Variants in PLCG2 observed in about 807,000 individuals in gnomAD.
PLCG2 encodes phospholipase C gamma 2, also known as 1-phosphatidylinositol 4,5-bisphosphate phosphodiesterase gamma-2.
In PLCG2, 69 loss-of-function variants were observed where a neutral mutation model predicts 175.6. The ratio of observed to expected loss-of-function variants is 0.39; its 90% CI spans 0.32 to 0.48. PLCG2 has a LOEUF of 0.48. PLCG2 is among the 20% of genes least tolerant of loss of function. The pLI is 0.91. For missense variants in PLCG2, 1,798 were observed against 1,650.9 expected (o/e 1.09, Z -1.54); for synonymous variants, 827 against 624.0 (o/e 1.33, Z -4.85).
At chr16:81,887,240 C>T (rs997609453) in intron 9 of PLCG2, among the ~76,000 whole-genome samples, 10 of 152,050 alleles carry the variant, frequency 6.6e-5, no homozygotes, top group African/African-American at 1.9e-4. Flanking sequence ...CTGCCTCAGC[C>T]TCCCGAGTAC....
chr16:81,846,288 C>G (rs1475660745), intron 2 of PLCG2, among the ~76,000 whole-genome samples: 2 of 152,150 alleles, frequency 1.3e-5, no homozygotes, highest in Non-Finnish European at 2.9e-5. Context: ...GTGATTCATG[C>G]TCCAGACATC....
At chr16:81,792,386 G>A (rs561217644) in intron 2 of PLCG2, among the ~76,000 whole-genome samples, 11 of 146,326 alleles carry the variant, frequency 7.5e-5, no homozygotes, top group African/African-American at 2.3e-4. Flanking sequence ...GGAGGCTGAG[G>A]CACAGAATTG....
chr16:81,798,493 G>A (rs116461035), intron 2 of PLCG2: 2,601 of 152,370 alleles, frequency 0.017, 19 homozygotes, highest in South Asian at 0.028. Flanking sequence ...AAGGAGCGTC[G>A]ACAGGGTGAA....
At chr16:81,770,451 G>A (rs1313094359) in intron 2 of PLCG2, among the ~76,000 whole-genome samples, 1 of 152,248 alleles carries the variant, frequency 6.6e-6, no homozygotes, top group Non-Finnish European at 1.5e-5. Context: ...GGTAGCACAT[G>A]CCTGTAATCC....
At chr16:81,867,759 G>C (rs1470382214) in intron 5 of PLCG2, among the ~76,000 whole-genome samples, 1 of 151,846 alleles carries the variant, frequency 6.6e-6, no homozygotes, top group African/African-American at 2.4e-5. Context: ...GTGCAGTGGC[G>C]TGATCTCGGC....
intron 7 of PLCG2, among the ~76,000 whole-genome samples, chr16:81,877,394 A>G (rs949442935): frequency 2.0e-5 from 3 of 152,110 alleles, no homozygotes; most frequent in East Asian, 1.9e-4. Context: ...GGCGGAACTT[A>G]CAGTGAGCCG....
intron 2 of PLCG2, among the ~76,000 whole-genome samples, chr16:81,758,348 C>A (rs1016767596): frequency 6.6e-6 from 1 of 152,142 alleles, no homozygotes; most frequent in African/African-American, 2.4e-5. Context: ...CTTTTTATTG[C>A]TGAGTAATAT....
intron 2 of PLCG2, among the ~76,000 whole-genome samples, chr16:81,809,015 CCTATT>C (rs1304300727): frequency 6.6e-6 from 1 of 152,116 alleles, no homozygotes; most frequent in African/African-American, 2.4e-5. Context: ...ATATAATACT[CCTATT>C]CTAGGGGTGA....
chr16:81,912,944 G>T (rs1166066407), intron 19 of PLCG2, among the ~76,000 whole-genome samples: 4 of 152,244 alleles, frequency 2.6e-5, no homozygotes, highest in Non-Finnish European at 2.9e-5. Flanking sequence ...AACTCACTTT[G>T]GCTTCCAGTA....
chr16:81,959,614 A>G lies in PLCG2; in HGVS notation c.*1616A>G, dbSNP rs1051817585. 9 of 193,848 alleles carry G rather than the reference A, an allele frequency of 4.6e-5. No individual in the cohort carries two copies. Among genetic ancestry groups the G allele is most frequent in the African/African-American group, 1.9e-4 (8 of 43,138 alleles). The allele number at this position is 193,848 out of a possible 1,614,324, so 12.0% of individuals were successfully genotyped here. On this transcript the variant is annotated 3_prime_UTR_variant, in exon 33 of 33. Transcript: ENST00000564138. Reference sequence around the variant, plus strand: ...CACTCCAGTTACTCCTCCAACTGGGAGCTGCTATTTTATTTGGCAGTCAGC... The same window carrying G: ...CACTCCAGTTACTCCTCCAACTGGGGGCTGCTATTTTATTTGGCAGTCAGC...
At chr16:81,751,802 A>G (rs1424108450) in intron 1 of PLCG2, among the ~76,000 whole-genome samples, 4 of 152,080 alleles carry the variant, frequency 2.6e-5, no homozygotes, top group Non-Finnish European at 5.9e-5. Context: ...TGGGTGGATC[A>G]CCTGAGGTCA....
intron 2 of PLCG2, among the ~76,000 whole-genome samples, chr16:81,847,538 T>C (rs955595471): frequency 2.0e-4 from 30 of 152,252 alleles, no homozygotes; most frequent in African/African-American, 7.0e-4. Flanking sequence ...AAAAAGATAC[T>C]TATCACTGCA....
At chr16:81,781,191 T>G (rs72834726) in intron 1 of PLCG2, among the ~76,000 whole-genome samples, 19,671 of 152,246 alleles carry the variant, frequency 0.13, 1,830 homozygotes, top group East Asian at 0.49. Context: ...ACCACTCTCC[T>G]GGATTTACCA....
intron 2 of PLCG2, among the ~76,000 whole-genome samples, chr16:81,832,490 A>G (rs1905301243): frequency 6.6e-6 from 1 of 152,158 alleles, no homozygotes; most frequent in Non-Finnish European, 1.5e-5. Flanking sequence ...CCTGGGTTCA[A>G]GCTATCTTCC....
At chr16:81,956,652 G>T in intron 31 of PLCG2, 43 bp from the exon 32 acceptor site, 2 of 1,557,808 alleles carry the variant, frequency 1.3e-6, no homozygotes, top group Non-Finnish European at 1.8e-6. Flanking sequence ...TGGTTTGGAA[G>T]GTGTAGTCAC....
chr16:81,907,032 G>A lies in PLCG2; in HGVS notation c.1468-653G>A, dbSNP rs1909400363. On this transcript the variant is annotated intron_variant, in intron 15 of 32. Transcript: ENST00000564138. ...CAGCCTGGTGAGAGAGACAGACTCT[G>A]TCTCAAAAAAAAAAAAAAAAAAACA... Among the ~76,000 whole-genome samples the A allele has an allele frequency of 3.5e-5, 3 of 85,648 alleles. No individual in the cohort carries two copies. In the East Asian group the frequency reaches 1.4e-3, roughly 39 times the overall value. The allele number at this position is 85,648 out of a possible 152,430, so 56.2% of individuals were successfully genotyped here.
chr16:81,767,239 G>C (rs924848002), intron 2 of PLCG2, among the ~76,000 whole-genome samples: 1 of 149,474 alleles, frequency 6.7e-6, no homozygotes, highest in African/African-American at 2.5e-5. Context: ...CTGCTTCCTG[G>C]GTTCAAGAGA....
chr16:81,760,093 A>T (rs1282016188), intron 2 of PLCG2, among the ~76,000 whole-genome samples: 3 of 152,180 alleles, frequency 2.0e-5, no homozygotes, highest in African/African-American at 7.2e-5. Flanking sequence ...GCCACTGCTC[A>T]TCTATCAGTT....
chr16:81,931,236 A>G, intron 24 of PLCG2: 1 of 303,052 alleles, frequency 3.3e-6, no homozygotes, highest in Non-Finnish European at 6.1e-6. Context: ...TACATCTGCA[A>G]CGACCCTATA....
Sources: gnomAD v4.1 joint callset for allele counts (sites outside exome capture counted in the v4.1 genomes callset) on GRCh38, gnomAD v4.1.1 for gene constraint, MANE v1.5 for transcripts, NCBI Gene and HGNC (gene_info 2026-07-23, HGNC 2026-07-21) for gene names.